The following MAGI2 variants were observed in gnomAD, a reference collection of about 807,000 sequenced individuals.
The protein encoded by MAGI2 is membrane associated guanylate kinase, WW and PDZ domain containing 2, also known as membrane-associated guanylate kinase, WW and PDZ domain-containing protein 2.
A neutral mutation model predicts 133.3 loss-of-function variants in MAGI2; 35 were observed. The ratio of observed to expected loss-of-function variants is 0.26; its 90% CI spans 0.20 to 0.35. The LOEUF is 0.35. Among genes scored for constraint, MAGI2 ranks in the 10% least tolerant of loss-of-function variants. MAGI2 has a pLI of 1.00. For synonymous variants in MAGI2, 729 were observed against 710.6 expected, an observed-to-expected ratio of 1.03 and a Z score of -0.41; for missense variants, 1,636 against 1,863.4, an observed-to-expected ratio of 0.88 and a Z score of 2.25.
chr7:78,782,703 G>A (rs1198792608), intron 2 of MAGI2, among the ~76,000 whole-genome samples: 6 of 152,122 alleles, frequency 3.9e-5, no homozygotes, highest in African/African-American at 1.4e-4. Context: ...TGGTGACTGT[G>A]TCACATACAG....
intron 3 of MAGI2, among the ~76,000 whole-genome samples, chr7:78,572,478 A>G (rs1182037228): frequency 6.6e-6 from 1 of 152,100 alleles, no homozygotes; most frequent in Non-Finnish European, 1.5e-5. Flanking sequence ...CAGTATTCAT[A>G]TAATTGTTCA....
chr7:78,652,581 T>G (rs1584971513), intron 2 of MAGI2, among the ~76,000 whole-genome samples: 1 of 151,958 alleles, frequency 6.6e-6, no homozygotes, highest in Admixed American at 6.6e-5. Context: ...TGCAGAAAAC[T>G]GAAACTAGAC....
At chr7:79,312,990 T>C (rs1838413772) in intron 1 of MAGI2, among the ~76,000 whole-genome samples, 1 of 152,180 alleles carries the variant, frequency 6.6e-6, no homozygotes, top group Non-Finnish European at 1.5e-5. Flanking sequence ...AGAGTTTTGG[T>C]GAAGTCAACA....
chr7:78,040,408 T>G (rs968678641), intron 21 of MAGI2, among the ~76,000 whole-genome samples: 9 of 152,262 alleles, frequency 5.9e-5, no homozygotes, highest in African/African-American at 2.2e-4. Context: ...CAGCCTCACA[T>G]TCCCGCGGGT....
At chr7:78,511,553 T>A (rs201669254) in intron 4 of MAGI2, among the ~76,000 whole-genome samples, 27,538 of 75,642 alleles carry the variant, frequency 0.36, 2,404 homozygotes, top group South Asian at 0.48. Flanking sequence ...ATATATAAAT[T>A]TTTTTTTTTT....
chr7:79,271,330 C>G (rs1432856501), intron 1 of MAGI2, among the ~76,000 whole-genome samples: 1 of 152,090 alleles, frequency 6.6e-6, no homozygotes, highest in East Asian at 1.9e-4. Context: ...TTTATATCAG[C>G]ATTTTACGTC....
intron 2 of MAGI2, among the ~76,000 whole-genome samples, chr7:78,882,123 A>C (rs1297383130): frequency 1.4e-5 from 2 of 147,638 alleles, no homozygotes; most frequent in Admixed American, 6.8e-5. Flanking sequence ...AGAAAAACAA[A>C]AAAAAAAGAG....
intron 1 of MAGI2, among the ~76,000 whole-genome samples, chr7:79,075,207 C>T (rs1429250502): frequency 2.0e-5 from 3 of 152,042 alleles, no homozygotes; most frequent in African/African-American, 7.2e-5. Flanking sequence ...GTCTTATTGA[C>T]CAGAGCTGGA....
At chr7:78,624,775 G>T (rs1275293355) in intron 3 of MAGI2, among the ~76,000 whole-genome samples, 1 of 151,880 alleles carries the variant, frequency 6.6e-6, no homozygotes, top group Non-Finnish European at 1.5e-5. Context: ...CTTAAAAGTC[G>T]AAGAAGAAAA....
At position 78,815,026 on chromosome 7, in the gene MAGI2, C is replaced by T. The variant is rs117170351; in HGVS notation, c.419-187787G>A. 5.7e-3 allele frequency among the ~76,000 whole-genome samples: 868 copies of T among 152,236 alleles called. 5 individuals are homozygous for T. Among genetic ancestry groups the T allele is most frequent in the Non-Finnish European group, 9.2e-3 (627 of 68,008 alleles). Reference sequence around the variant, plus strand: ...TACAGGTGAGAGCCACCACACCCAGCCTGATTTTCTATCATTATTGAACAT... The same window carrying T: ...TACAGGTGAGAGCCACCACACCCAGTCTGATTTTCTATCATTATTGAACAT... On this transcript the variant is annotated intron_variant, in intron 2 of 21. Coordinates refer to ENST00000354212, the MANE Select transcript of MAGI2 (RefSeq NM_012301.4).
chr7:78,138,625 TCACACACACACACACACACACA>T (rs202115434), intron 16 of MAGI2, among the ~76,000 whole-genome samples: 18 of 129,502 alleles, frequency 1.4e-4, no homozygotes, highest in South Asian at 2.5e-4. Context: ...AAACATAGAT[TCACACACACACACACACACACA>T]CACACACACA....
intron 2 of MAGI2, among the ~76,000 whole-genome samples, chr7:78,660,402 A>AATTG (rs1563313410): frequency 6.6e-6 from 1 of 151,586 alleles, no homozygotes; most frequent in African/African-American, 2.4e-5. Flanking sequence ...AACTTACTTG[A>AATTG]ACTATTTTAT....
rs76956801 is a variant in MAGI2 at position 79,203,966 on chromosome 7, T to C, written c.302-196760A>G. ...AGCTAAGGAAACCAGATCACAGTAT[T>C]TGGTTGTAGTACAATAATAAGAAAA... On this transcript the variant is annotated intron_variant, in intron 1 of 21. Transcript: ENST00000354212. 1.0e-2 allele frequency among the ~76,000 whole-genome samples: 1,515 copies of C among 152,066 alleles called. 37 individuals carry two copies. Among genetic ancestry groups the C allele is most frequent in the African/African-American group, 0.034 (1,397 of 41,382 alleles).
At chr7:79,317,416 T>G (rs560572803) in intron 1 of MAGI2, among the ~76,000 whole-genome samples, 2 of 152,242 alleles carry the variant, frequency 1.3e-5, no homozygotes, top group African/African-American at 2.4e-5. Flanking sequence ...TATAATGCAC[T>G]GACTGTCCAA....
intron 2 of MAGI2, among the ~76,000 whole-genome samples, chr7:78,978,991 T>C (rs1804545701): frequency 6.6e-6 from 1 of 151,832 alleles, no homozygotes; most frequent in Admixed American, 6.6e-5. Context: ...ACAGCAGAGA[T>C]AAGCAAGAGA....
chr7:78,582,765 C>T (rs2150815146), intron 3 of MAGI2, among the ~76,000 whole-genome samples: 1 of 152,282 alleles, frequency 6.6e-6, no homozygotes, highest in Middle Eastern at 3.4e-3. Flanking sequence ...ATAACATAGA[C>T]TCCTCTAGAA....
intron 2 of MAGI2, among the ~76,000 whole-genome samples, chr7:78,713,500 A>C (rs1009603178): frequency 3.3e-5 from 5 of 152,190 alleles, no homozygotes; most frequent in Non-Finnish European, 7.3e-5. Flanking sequence ...ATGGGATGAG[A>C]TATATCAAGG....
intron 1 of MAGI2, among the ~76,000 whole-genome samples, chr7:79,081,489 A>C (rs1437413124): frequency 3.3e-5 from 5 of 152,182 alleles, no homozygotes. Context: ...TGCATTGCAC[A>C]TGGAAATTTC....
intron 1 of MAGI2, among the ~76,000 whole-genome samples, chr7:79,182,672 T>C (rs1235275001): frequency 6.6e-6 from 1 of 151,798 alleles, no homozygotes; most frequent in Non-Finnish European, 1.5e-5. Flanking sequence ...AATCTAGCAA[T>C]CCCACTAAGA....
Sources: allele counts gnomAD v4.1 joint callset (sites outside exome capture counted in the v4.1 genomes callset), GRCh38; gene constraint gnomAD v4.1.1; transcripts MANE v1.5; gene names NCBI Gene and HGNC (gene_info 2026-07-23, HGNC 2026-07-21).